Variants in MEI4 observed in about 807,000 individuals in gnomAD.
MEI4 encodes the protein meiotic double-stranded break formation protein 4.
In MEI4, 27 loss-of-function variants were observed where a neutral mutation model predicts 31.4. That is an observed-to-expected ratio of 0.86 (90% CI 0.63 to 1.19). The LOEUF (loss-of-function observed/expected upper bound fraction) is 1.19, where lower values mean the gene tolerates loss of function less well. Ranked by LOEUF, MEI4 falls within the 50% of genes most tolerant of loss-of-function variation. The pLI is 0.00. For missense variants in MEI4, 329 were observed against 398.9 expected, an observed-to-expected ratio of 0.82 and a Z score of 1.49; for synonymous variants, 122 against 145.4, an observed-to-expected ratio of 0.84 and a Z score of 1.16.
At chr6:77,672,771 C>T (rs1353863296) in intron 1 of MEI4, among the ~76,000 whole-genome samples, 1 of 152,204 alleles carries the variant, frequency 6.6e-6, no homozygotes, top group Non-Finnish European at 1.5e-5. Flanking sequence ...AACTCCTGAC[C>T]TCGTGATCCA....
chr6:77,721,843 A>G, intron 2 of MEI4, among the ~76,000 whole-genome samples: 1 of 86,738 alleles, frequency 1.2e-5, no homozygotes, highest in Non-Finnish European at 2.3e-5. Context: ...AGCATTGGCA[A>G]CCTCTGCTTG....
chr6:77,706,171 T>C (rs1411471281), intron 2 of MEI4, among the ~76,000 whole-genome samples: 1 of 152,274 alleles, frequency 6.6e-6, no homozygotes, highest in South Asian at 2.1e-4. Context: ...AAGCTAGACA[T>C]AAAACCTAGA....
intron 3 of MEI4, among the ~76,000 whole-genome samples, chr6:77,804,037 T>TG (rs1045893086): frequency 6.1e-4 from 93 of 152,322 alleles, no homozygotes; most frequent in African/African-American, 2.0e-3. Context: ...AGGTTTCTGC[T>TG]GCCTTTTGTT....
At chr6:77,662,631 C>G (rs1001263982) in intron 1 of MEI4, among the ~76,000 whole-genome samples, 1 of 152,164 alleles carries the variant, frequency 6.6e-6, no homozygotes, top group Non-Finnish European at 1.5e-5. Context: ...AATGCAGCGG[C>G]AGCCACTGCA....
At position 77,854,818 on chromosome 6, in the gene MEI4, G is replaced by A. The variant is rs760491484; in HGVS notation, c.900+25756G>A. On this transcript the variant is annotated intron_variant, in intron 4 of 4. Coordinates refer to ENST00000684080, the MANE Select transcript of MEI4 (RefSeq NM_001322247.2). ...TATCTCATTAAACCTCAAAGCAACC[G>A]TCTGGTATAGGTATCATTTCCTCTG... is the stretch of plus-strand genomic sequence containing the variant. 5.3e-4 allele frequency among the ~76,000 whole-genome samples: 81 copies of A among 152,140 alleles called. 1 individual carries two copies. The highest frequency in any genetic ancestry group is 9.3e-4 in the Non-Finnish European group (63 of 68,010).
chr6:77,840,343 T>G (rs1055093285), intron 4 of MEI4, among the ~76,000 whole-genome samples: 1 of 152,100 alleles, frequency 6.6e-6, no homozygotes, highest in Non-Finnish European at 1.5e-5. Flanking sequence ...TTGAACAAAG[T>G]CTCAGGAATC....
chr6:77,719,481 G>A (rs1330552271), intron 2 of MEI4, among the ~76,000 whole-genome samples: 2 of 46,702 alleles, frequency 4.3e-5, no homozygotes, highest in Admixed American at 2.6e-4. Flanking sequence ...ATAGGATAAC[G>A]ATACCCAATG....
chr6:77,830,377 C>T (rs1056894122), intron 4 of MEI4, among the ~76,000 whole-genome samples: 1 of 152,018 alleles, frequency 6.6e-6, no homozygotes, highest in South Asian at 2.1e-4. Flanking sequence ...TATATGTTCT[C>T]ATTTAATATT....
intron 2 of MEI4, among the ~76,000 whole-genome samples, chr6:77,757,816 A>T (rs545480715): frequency 6.6e-6 from 1 of 152,108 alleles, no homozygotes; most frequent in Non-Finnish European, 1.5e-5. Flanking sequence ...TTGAGAAGTC[A>T]TTTTCAGTGT....
intron 2 of MEI4, among the ~76,000 whole-genome samples, chr6:77,735,902 G>T (rs1321312126): frequency 6.6e-6 from 1 of 151,736 alleles, no homozygotes; most frequent in Admixed American, 6.6e-5. Flanking sequence ...CGTGTGAGGT[G>T]TCAGTCTGCC....
intron 2 of MEI4, among the ~76,000 whole-genome samples, chr6:77,719,214 T>A (rs1177751548): frequency 1.4e-5 from 2 of 140,550 alleles, no homozygotes; most frequent in African/African-American, 5.4e-5. Context: ...ACCGCACTAT[T>A]GGCCACACAT....
intron 3 of MEI4, among the ~76,000 whole-genome samples, chr6:77,774,149 C>T (rs1333916091): frequency 6.6e-6 from 1 of 152,000 alleles, no homozygotes. Flanking sequence ...ATCCAGGAAC[C>T]CCACTGCTAG....
chr6:77,915,588 G>A (rs369116222), intron 4 of MEI4, among the ~76,000 whole-genome samples: 12 of 151,780 alleles, frequency 7.9e-5, no homozygotes, highest in Middle Eastern at 3.4e-3. Context: ...CAGTTTTATC[G>A]GATATAAGTA....
At chr6:77,729,633 C>T (rs1766920096) in intron 2 of MEI4, among the ~76,000 whole-genome samples, 5 of 152,128 alleles carry the variant, frequency 3.3e-5, no homozygotes, top group African/African-American at 1.2e-4. Flanking sequence ...CAAAGCAGTA[C>T]TTTACAGACT....
At chr6:77,920,813 G>A (rs954718885) in intron 4 of MEI4, among the ~76,000 whole-genome samples, 1 of 151,998 alleles carries the variant, frequency 6.6e-6, no homozygotes, top group South Asian at 2.1e-4. Context: ...TGTTGTCAAT[G>A]AGCAGTAATC....
At chr6:77,852,575 G>T (rs1207528766) in intron 4 of MEI4, among the ~76,000 whole-genome samples, 4 of 98,184 alleles carry the variant, frequency 4.1e-5, no homozygotes, top group African/African-American at 8.8e-5. Flanking sequence ...TTTGTTTTTT[G>T]TTGTTGTTTG....
chr6:77,800,932 G>T (rs570511757), intron 3 of MEI4, among the ~76,000 whole-genome samples: 1 of 152,244 alleles, frequency 6.6e-6, no homozygotes, highest in East Asian at 1.9e-4. Context: ...ATGTTCATCA[G>T]GGATATTAGT....
intron 4 of MEI4, among the ~76,000 whole-genome samples, chr6:77,877,249 G>GTA (rs1323742878): frequency 6.6e-6 from 1 of 151,876 alleles, no homozygotes; most frequent in East Asian, 1.9e-4. Flanking sequence ...GGATGTGTGT[G>GTA]TGTGTGTGGG....
chr6:77,900,845 G>A (rs1445462091), intron 4 of MEI4, among the ~76,000 whole-genome samples: 1 of 151,844 alleles, frequency 6.6e-6, no homozygotes, highest in African/African-American at 2.4e-5. Flanking sequence ...CAGAAATTTT[G>A]TGTCCGTTGA....
Sources: gnomAD v4.1 joint callset for allele counts (sites outside exome capture counted in the v4.1 genomes callset) on GRCh38, gnomAD v4.1.1 for gene constraint, MANE v1.5 for transcripts, NCBI Gene and HGNC (gene_info 2026-07-23, HGNC 2026-07-21) for gene names.